The following TSPAN14 variants were observed in gnomAD, a reference collection of about 807,000 sequenced individuals.
TSPAN14 encodes the protein tetraspanin-14.
TSPAN14 carries 16 observed loss-of-function variants against 36.6 expected under a neutral mutation model. The ratio of observed to expected loss-of-function variants is 0.44; its 90% confidence interval spans 0.30 to 0.66. The LOEUF (loss-of-function observed/expected upper bound fraction) is 0.66, where lower values mean the gene tolerates loss of function less well. TSPAN14 is among the 30% of genes least tolerant of loss of function. The pLI is 0.12. For missense variants in TSPAN14, 231 were observed against 355.1 expected (o/e 0.65, Z 2.81); for synonymous variants, 139 against 143.8 (o/e 0.97, Z 0.24).
At chr10:80,473,703 A>ATTTT (rs1187433688) in intron 1 of TSPAN14, among the ~76,000 whole-genome samples, 1 of 75,968 alleles carries the variant, frequency 1.3e-5, no homozygotes, top group East Asian at 2.5e-4. Context: ...TTTTTTTTTA[A>ATTTT]ATTAAAGTTT....
chr10:80,477,909 A>G (rs1847011383), intron 1 of TSPAN14, among the ~76,000 whole-genome samples: 1 of 152,162 alleles, frequency 6.6e-6, no homozygotes, highest in Non-Finnish European at 1.5e-5. Flanking sequence ...CTAAGATGGG[A>G]AAAAAATACA....
intron 1 of TSPAN14, among the ~76,000 whole-genome samples, chr10:80,456,544 C>G (rs903486698): frequency 1.3e-5 from 2 of 152,194 alleles, no homozygotes; most frequent in Admixed American, 1.3e-4. Flanking sequence ...TTCCTGAGGC[C>G]TCACTCTATG....
intron 2 of TSPAN14, among the ~76,000 whole-genome samples, chr10:80,501,558 T>G (rs1312336031): frequency 1.3e-5 from 2 of 152,188 alleles, no homozygotes; most frequent in Non-Finnish European, 2.9e-5. Context: ...TAAGGTAGAC[T>G]TTTCTCACCT....
intron 1 of TSPAN14, among the ~76,000 whole-genome samples, chr10:80,479,234 T>G (rs1397441745): frequency 2.6e-5 from 4 of 151,210 alleles, no homozygotes; most frequent in African/African-American, 9.7e-5. Flanking sequence ...TTCTCCCATT[T>G]TGTAGGTTGC....
intron 1 of TSPAN14, among the ~76,000 whole-genome samples, chr10:80,456,606 C>T (rs1197073409): frequency 6.6e-6 from 1 of 152,212 alleles, no homozygotes; most frequent in African/African-American, 2.4e-5. Flanking sequence ...AGGTAGAATT[C>T]CTTTTAGCAG....
At chr10:80,487,879 G>A (rs1847703206) in intron 1 of TSPAN14, among the ~76,000 whole-genome samples, 1 of 152,182 alleles carries the variant, frequency 6.6e-6, no homozygotes, top group African/African-American at 2.4e-5. Context: ...TCCACACCGT[G>A]GGAGAGGTGG....
chr10:80,507,179 T>A, intron 3 of TSPAN14, 49 bp from the exon 4 acceptor site: 1 of 1,611,492 alleles, frequency 6.2e-7, no homozygotes, highest in Non-Finnish European at 8.5e-7. Flanking sequence ...GCAGCATCCT[T>A]GACTCCCCTT....
chr10:80,484,171 G>C (rs1223658430), intron 1 of TSPAN14, among the ~76,000 whole-genome samples: 1 of 151,634 alleles, frequency 6.6e-6, no homozygotes, highest in Non-Finnish European at 1.5e-5. Flanking sequence ...CTTGAACCAG[G>C]GAGGCGGAGG....
chr10:80,485,541 A>G (rs1847539471), intron 1 of TSPAN14: 1 of 730,858 alleles, frequency 1.4e-6, no homozygotes, highest in Non-Finnish European at 1.7e-6. Flanking sequence ...AGGCCACCTT[A>G]CACTGTGTAG....
At chr10:80,476,738 G>T (rs1002694916) in intron 1 of TSPAN14, among the ~76,000 whole-genome samples, 25 of 151,234 alleles carry the variant, frequency 1.7e-4, no homozygotes, top group Middle Eastern at 6.8e-3. Context: ...GTTTTGTTTT[G>T]TTTTTTTTTA....
chr10:80,454,360 C>G (rs1276510412), exon 1 of TSPAN14: 1 of 152,480 alleles, frequency 6.6e-6, no homozygotes, highest in Non-Finnish European at 1.5e-5. Context: ...CCGCTGCCGC[C>G]GCCGCGCGCG....
At chr10:80,461,772 G>T (rs545005596) in intron 1 of TSPAN14, among the ~76,000 whole-genome samples, 1 of 152,186 alleles carries the variant, frequency 6.6e-6, no homozygotes, top group South Asian at 2.1e-4. Context: ...TTGGAGAGGG[G>T]CTGGTCTTGG....
intron 2 of TSPAN14, among the ~76,000 whole-genome samples, chr10:80,496,594 C>T (rs1294974222): frequency 6.6e-6 from 1 of 152,196 alleles, no homozygotes; most frequent in African/African-American, 2.4e-5. Context: ...TTCTCCCCTT[C>T]CCTGTCCCAT....
chr10:80,511,720 C>A (rs1460047471), intron 5 of TSPAN14, among the ~76,000 whole-genome samples: 6 of 40,492 alleles, frequency 1.5e-4, no homozygotes, highest in African/African-American at 2.3e-4. Flanking sequence ...TCCTCTCTCT[C>A]TCTCTCTCTC....
chr10:80,476,416 T>G (rs962244559), intron 1 of TSPAN14, among the ~76,000 whole-genome samples: 105 of 126,348 alleles, frequency 8.3e-4, no homozygotes, highest in South Asian at 6.7e-3. Flanking sequence ...ACTGTTTTTT[T>G]TTTTTTTTTT....
At chr10:80,508,133 T>TTG (rs1554866118) in intron 4 of TSPAN14, among the ~76,000 whole-genome samples, 1,896 of 149,538 alleles carry the variant, frequency 0.013, 33 homozygotes, top group African/African-American at 0.043. Flanking sequence ...TTTTTTTTTT[T>TTG]GATACCGAGT....
intron 3 of TSPAN14, among the ~76,000 whole-genome samples, chr10:80,506,502 A>G (rs1160433118): frequency 2.0e-5 from 3 of 152,230 alleles, no homozygotes; most frequent in African/African-American, 7.2e-5. Flanking sequence ...GTTCAACCAT[A>G]ATCTAAGAAA....
At chr10:80,462,667 A>G (rs1846041278) in intron 1 of TSPAN14, among the ~76,000 whole-genome samples, 1 of 152,212 alleles carries the variant, frequency 6.6e-6, no homozygotes, top group Non-Finnish European at 1.5e-5. Context: ...TAAATCTACA[A>G]GTGCATCTCA....
chr10:80,462,678 C>T (rs988911050), intron 1 of TSPAN14, among the ~76,000 whole-genome samples: 1 of 152,212 alleles, frequency 6.6e-6, no homozygotes, highest in Admixed American at 6.5e-5. Context: ...GTGCATCTCA[C>T]AGCTCCATTT....
Sources: gnomAD v4.1 joint callset for allele counts (sites outside exome capture counted in the v4.1 genomes callset) on GRCh38, gnomAD v4.1.1 for gene constraint, MANE v1.5 for transcripts, NCBI Gene and HGNC (gene_info 2026-07-23, HGNC 2026-07-21) for gene names.